LRRC71: variants seen among roughly 807,000 people sequenced by gnomAD.
The protein encoded by LRRC71 is leucine rich repeat containing 71.
Under a neutral mutation model 66.6 loss-of-function variants are expected in LRRC71, and 54 were observed. The observed-to-expected ratio is 0.81, with a 90% CI of 0.65 to 1.02. The LOEUF (loss-of-function observed/expected upper bound fraction) is 1.02, where lower values mean the gene tolerates loss of function less well. Among genes scored for constraint, LRRC71 ranks in the 50% least tolerant of loss-of-function variants. The pLI is 0.00. For missense variants in LRRC71, 724 were observed against 718.0 expected (o/e 1.01, Z -0.10); for synonymous variants, 323 against 303.9 (o/e 1.06, Z -0.65).
chr1:156,936,334 A>C, downstream of LRRC71: 1 of 592,084 alleles, frequency 1.7e-6, no homozygotes, highest in Non-Finnish European at 3.3e-6. Context: ...TGAATCATTT[A>C]ATCAGCACGA....
Position 156,924,497 on chromosome 1 carries a change from C to CCAGGTG in LRRC71, c.385_390dup (p.Gln129_Val130dup). On this transcript the variant is annotated inframe_insertion, in exon 3 of 15. Coordinates refer to ENST00000337428, the MANE Select transcript of LRRC71 (RefSeq NM_144702.3). ...AATACGTGTTCTTCCGGCCCACCAT[C>CCAGGTG]CAGGTGGAGCTGGAGCAGGAGGACA... The CCAGGTG allele has an allele frequency of 6.4e-7, 1 of 1,551,452 alleles. No homozygotes were observed. The highest frequency in any genetic ancestry group is 8.7e-7 in the Non-Finnish European group (1 of 1,146,988).
rs371183086 is a variant in LRRC71 at position 156,927,901 on chromosome 1, C to A, written c.907-14C>A. 5.6e-6 allele frequency: 9 copies of A among 1,610,724 alleles called. No homozygotes were observed. The African/African-American group carries it at 1.2e-4, about 22-fold the overall frequency. On this transcript the variant is annotated splice_polypyrimidine_tract_variant and intron_variant, in intron 8 of 14. Transcript: ENST00000337428. ...TACCCAGGCGTCCGACCGCTGAGCGCCCGCCTCCTTCAGGTCCTGCGCGCC... is the reference window on the plus strand; with the variant it reads ...TACCCAGGCGTCCGACCGCTGAGCGACCGCCTCCTTCAGGTCCTGCGCGCC...
At chr1:156,940,117 C>T in the LRRC71 span, 21 of 1,451,808 alleles carry the variant, frequency 1.4e-5, no homozygotes, top group African/African-American at 1.3e-4. Context: ...GAAGAGCCTT[C>T]GGGAAGGTGG....
intron 5 of LRRC71, 54 bp from the exon 6 acceptor site, chr1:156,927,148 C>T: frequency 2.0e-6 from 3 of 1,517,998 alleles, no homozygotes; most frequent in Non-Finnish European, 2.7e-6. Flanking sequence ...CTGTTCCCTT[C>T]CCTTACCTGG....
At chr1:156,937,692 C>T (rs1655781334), downstream of LRRC71, among the ~76,000 whole-genome samples, 1 of 152,212 alleles carries the variant, frequency 6.6e-6, no homozygotes, top group Non-Finnish European at 1.5e-5. Flanking sequence ...CTAGATGACA[C>T]TTGCTCAGTC....
At chr1:156,921,601 G>A in intron 1 of LRRC71, 1 of 984,452 alleles carries the variant, frequency 1.0e-6, no homozygotes, top group Non-Finnish European at 1.2e-6. Flanking sequence ...CTCTTTGTCA[G>A]TGCTGGTGGA....
downstream of LRRC71, among the ~76,000 whole-genome samples, chr1:156,936,497 A>AAAAAAT (rs370282821): frequency 1.8e-4 from 6 of 33,938 alleles, no homozygotes; most frequent in East Asian, 2.2e-3. Flanking sequence ...AAAAAAAAAA[A>AAAAAAT]ATATATATAT....
At chr1:156,936,937 A>G (rs1272876281), downstream of LRRC71, 1 of 1,613,850 alleles carries the variant, frequency 6.2e-7, no homozygotes, top group Non-Finnish European at 8.5e-7. Flanking sequence ...AACTGCCCAC[A>G]GGCGTGGTGC....
Position 156,923,054 on chromosome 1 carries a change from C to G in LRRC71, c.161-895C>G, listed in dbSNP as rs142392521. Among the ~76,000 whole-genome samples the G allele has an allele frequency of 5.4e-3, 816 of 152,320 alleles. 3 individuals carry two copies. The highest frequency in any genetic ancestry group is 0.017 in the Middle Eastern group (5 of 294). ...GATGGCCAGACACAGGAGGAAAATG[C>G]CTCTCATGCCTTTCCCCATGAACCC... On this transcript the variant is annotated intron_variant, in intron 1 of 14. Coordinates refer to ENST00000337428, the MANE Select transcript of LRRC71 (RefSeq NM_144702.3).
intron 5 of LRRC71, 126 bp from the exon 6 acceptor site, chr1:156,927,076 A>T: frequency 5.2e-6 from 4 of 764,144 alleles, no homozygotes; most frequent in Non-Finnish European, 6.5e-6. Context: ...TATTTCCTAT[A>T]TTGGGGGGGC....
At chr1:156,928,507 T>C (rs1380385383) in intron 9 of LRRC71, among the ~76,000 whole-genome samples, 1 of 142,830 alleles carries the variant, frequency 7.0e-6, no homozygotes, top group Non-Finnish European at 1.5e-5. Context: ...TTCCTCCTCC[T>C]CCTCCTCTTC....
intron 12 of LRRC71, 94 bp downstream of exon 12, chr1:156,930,711 C>T (rs1178351481): frequency 5.1e-6 from 6 of 1,179,020 alleles, no homozygotes; most frequent in Non-Finnish European, 7.3e-6. Flanking sequence ...GGAATGTGGT[C>T]TCCAGCCCCA....
intron 13 of LRRC71, 117 bp from the exon 14 acceptor site, chr1:156,932,307 G>A: frequency 1.2e-6 from 1 of 809,966 alleles, no homozygotes; most frequent in Non-Finnish European, 2.0e-6. Flanking sequence ...AGGTGTGCCT[G>A]GGCCAGTGAG....
At chr1:156,930,467 G>T in intron 11 of LRRC71, 62 bp from the exon 12 acceptor site, 2 of 1,433,570 alleles carry the variant, frequency 1.4e-6, no homozygotes, top group Non-Finnish European at 1.9e-6. Flanking sequence ...TTTCTCTGGG[G>T]AGGGAGCCTG....
chr1:156,924,392 T>A, intron 2 of LRRC71, 32 bp from the exon 3 acceptor site: 1 of 1,542,126 alleles, frequency 6.5e-7, no homozygotes, highest in Non-Finnish European at 8.7e-7. Context: ...TGGAGGTGGC[T>A]GTTCCCCTCC....
Position 156,920,848 on chromosome 1 carries a change from G to T in LRRC71, c.45G>T (p.Pro15=). ...CGCCGGGGGCCTCACCCAGGGCCCC[G>T]CGTCCGGGGACCCAGAAGTCTTCTG... ...QSAPGASPRA[P]RPGTQKSSGA... Residue 15 remains proline, a synonymous_variant, in exon 1 of 15, where the codon CCG becomes CCT. Transcript: ENST00000337428. The surrounding 1 kb of genome is among the most constrained non-coding windows in gnomAD (Gnocchi z 4.9). 6.5e-7 allele frequency: 1 copy of T among 1,537,178 alleles called. No individual in the cohort carries two copies. The highest frequency in any genetic ancestry group is 8.8e-7 in the Non-Finnish European group (1 of 1,140,400).
intron 5 of LRRC71, among the ~76,000 whole-genome samples, chr1:156,925,378 A>G (rs1268864406): frequency 6.6e-6 from 1 of 152,090 alleles, no homozygotes; most frequent in Admixed American, 6.5e-5. Flanking sequence ...TCCTCCAGGA[A>G]CTCGCAGTCC....
chr1:156,928,408 C>CTTAT (rs1491124092), intron 9 of LRRC71, among the ~76,000 whole-genome samples: 4 of 34,486 alleles, frequency 1.2e-4, no homozygotes, highest in African/African-American at 5.7e-4. Context: ...CTTCTTCTTC[C>CTTAT]TCTTATTCCT....
chr1:156,927,195 C>A lies in LRRC71; in HGVS notation c.594-7C>A, dbSNP rs766098150. On this transcript the variant is annotated splice_region_variant and splice_polypyrimidine_tract_variant and intron_variant, in intron 5 of 14. Coordinates refer to ENST00000337428, the MANE Select transcript of LRRC71 (RefSeq NM_144702.3). The stretch of plus-strand genomic sequence containing the variant: ...CCTTCTGGTTCTCAGATCTCCCCTG[C>A]CCTCAGGAAGGTGTCTCTGGAGGGG... The A allele has an allele frequency of 1.2e-6, 2 of 1,610,448 alleles. No homozygotes were observed. Among genetic ancestry groups the A allele is most frequent in the Admixed American group, 3.4e-5 (2 of 59,584 alleles).
Sources: gnomAD v4.1 joint callset for allele counts (sites outside exome capture counted in the v4.1 genomes callset) on GRCh38, gnomAD v4.1.1 for gene constraint, Gnocchi (gnomAD v3.1) non-coding constraint, MANE v1.5 for transcripts, NCBI Gene and HGNC (gene_info 2026-07-23, HGNC 2026-07-21) for gene names.